CDH10: variants seen among roughly 807,000 people sequenced by gnomAD.
The protein encoded by CDH10 is cadherin 10.
In CDH10, 30 loss-of-function variants were observed where a neutral mutation model predicts 73.1. The ratio of observed to expected loss-of-function variants is 0.41; its 90% CI spans 0.31 to 0.56. The LOEUF is 0.56. CDH10 is among the 20% of genes least tolerant of loss of function. The pLI, the probability that CDH10 is intolerant of heterozygous loss-of-function variation, is 0.27. For synonymous variants in CDH10, 345 were observed against 348.2 expected, an observed-to-expected ratio of 0.99 and a Z score of 0.10; for missense variants, 815 against 973.7, an observed-to-expected ratio of 0.84 and a Z score of 2.17.
In CDH10 at chr5:24,502,837, T is replaced by C. The variant is rs897275393; in HGVS notation, c.1393+2275A>G. 3.9e-5 allele frequency among the ~76,000 whole-genome samples: 6 copies of C among 152,128 alleles called. No homozygotes were observed. The East Asian group carries it at 9.7e-4, about 25-fold the overall frequency. ...GGATCATGTTAGGTACATCTAACTA[T>C]GGGGATGTGGATACAGATAGAAATA... On this transcript the variant is annotated intron_variant, in intron 8 of 11. Transcript: ENST00000264463.
intron 1 of CDH10, among the ~76,000 whole-genome samples, chr5:24,632,224 T>C (rs1416601332): frequency 6.6e-6 from 1 of 152,110 alleles, no homozygotes; most frequent in African/African-American, 2.4e-5. Flanking sequence ...TATGATCCAT[T>C]TACTATTTAT....
intron 2 of CDH10, among the ~76,000 whole-genome samples, chr5:24,586,397 A>C (rs1201852388): frequency 1.3e-5 from 2 of 148,998 alleles, no homozygotes; most frequent in African/African-American, 5.0e-5. Flanking sequence ...CTCAATTTTA[A>C]TCCACCTACC....
chr5:24,525,945 C>A (rs1394233499), intron 5 of CDH10, among the ~76,000 whole-genome samples: 4 of 152,062 alleles, frequency 2.6e-5, no homozygotes, highest in Non-Finnish European at 5.9e-5. Context: ...AGATAATACA[C>A]AATGGCAATG....
intron 9 of CDH10, 136 bp from the exon 10 acceptor site, chr5:24,493,061 T>A: frequency 3.7e-6 from 2 of 536,940 alleles, no homozygotes; most frequent in South Asian, 2.6e-5. Flanking sequence ...CTTGAGTTAA[T>A]CCATCTTTTT....
intron 1 of CDH10, among the ~76,000 whole-genome samples, chr5:24,632,372 T>C (rs1747732286): frequency 6.6e-6 from 1 of 151,984 alleles, no homozygotes; most frequent in Non-Finnish European, 1.5e-5. Context: ...CCTTTGAAGT[T>C]GAAATAAATG....
chr5:24,617,476 C>T (rs1371563936), intron 1 of CDH10, among the ~76,000 whole-genome samples: 1 of 152,068 alleles, frequency 6.6e-6, no homozygotes, highest in Non-Finnish European at 1.5e-5. Context: ...GTAAAATTTG[C>T]TGATAAAATT....
intron 8 of CDH10, 87 bp from the exon 9 acceptor site, chr5:24,498,606 G>T: frequency 1.2e-6 from 1 of 809,094 alleles, no homozygotes; most frequent in Non-Finnish European, 2.1e-6. Flanking sequence ...GGTATGAAGT[G>T]CTCACATACA....
At chr5:24,580,754 A>G (rs1198621043) in intron 2 of CDH10, among the ~76,000 whole-genome samples, 1 of 152,180 alleles carries the variant, frequency 6.6e-6, no homozygotes, top group East Asian at 1.9e-4. Flanking sequence ...GTTAAATGTC[A>G]GAAGTCTAAA....
Position 24,621,130 on chromosome 5 carries a change from C to A in CDH10, c.-124+23464G>T, listed in dbSNP as rs965236987. Among the ~76,000 whole-genome samples the A allele has an allele frequency of 2.0e-5, 3 of 152,126 alleles. No individual in the cohort carries two copies. The East Asian group carries it at 5.8e-4, about 29-fold the overall frequency. The stretch of plus-strand genomic sequence containing the variant: ...CTCAAGGACATCAGAACTGCCAGGT[C>A]ATGAGAGCCCTTAGTGTGCCTCTAA... On this transcript the variant is annotated intron_variant, in intron 1 of 11. Transcript: ENST00000264463.
In CDH10 at chr5:24,535,806, T is replaced by G; in HGVS notation, c.543A>C (p.Gln181His). The change falls in exon 4 of 12, where the codon CAA (glutamine) becomes CAC (histidine). Residue 181 changes from glutamine to histidine, a missense_variant. Physicochemically the swap from Gln to His is conservative, Grantham distance 24. Transcript: ENST00000264463. ...GGTCATCGGCATCTGTAGCTGTGAC[T>G]TGCACCACAGAAGTACCTGAAGTAT... ...EMSVVGTSVV[Q>H]VTATDADDPS... 6.2e-7 allele frequency: 1 copy of G among 1,609,620 alleles called. No homozygotes were observed. Among genetic ancestry groups the G allele is most frequent in the Non-Finnish European group, 8.5e-7 (1 of 1,176,962 alleles).
chr5:24,617,821 T>C (rs1747174654), intron 1 of CDH10, among the ~76,000 whole-genome samples: 1 of 152,198 alleles, frequency 6.6e-6, no homozygotes. Flanking sequence ...CCCCGCCTGA[T>C]GCACTTGGAT....
intron 3 of CDH10, among the ~76,000 whole-genome samples, 198 bp downstream of exon 3, chr5:24,537,182 G>T (rs1437424098): frequency 1.3e-5 from 2 of 151,638 alleles, no homozygotes; most frequent in South Asian, 2.1e-4. Flanking sequence ...GTATTATAAA[G>T]ATTCACAAAT....
chr5:24,633,386 TA>T (rs530406226), intron 1 of CDH10, among the ~76,000 whole-genome samples: 12 of 151,704 alleles, frequency 7.9e-5, no homozygotes, highest in East Asian at 1.9e-4. Flanking sequence ...TTAGAATGTA[TA>T]AAAAAAATGT....
chr5:24,543,193 C>T (rs114378455), intron 2 of CDH10, among the ~76,000 whole-genome samples: 1,672 of 152,102 alleles, frequency 0.011, 37 homozygotes, highest in African/African-American at 0.038. Context: ...TCAGGAGGCA[C>T]TTATATTGCT....
intron 7 of CDH10, 117 bp from the exon 8 acceptor site, chr5:24,505,365 G>T (rs943644397): frequency 2.5e-6 from 2 of 786,348 alleles, no homozygotes; most frequent in Non-Finnish European, 4.3e-6. Flanking sequence ...ACACAGTGCT[G>T]ATCTGGAATG....
In CDH10 at chr5:24,540,623, T is replaced by C. The variant is rs1744117273; in HGVS notation, c.232-2949A>G. 2.6e-5 allele frequency among the ~76,000 whole-genome samples: 4 copies of C among 151,866 alleles called. No homozygotes were observed. In the South Asian group the frequency reaches 8.3e-4, roughly 31 times the overall value. On this transcript the variant is annotated intron_variant, in intron 2 of 11. Coordinates refer to ENST00000264463, the MANE Select transcript of CDH10 (RefSeq NM_006727.5). ...ATGAAAGGATTTCTACCTTCACCAA[T>C]GGGAATATAATTAAGAGAAGCAAAT...
intron 2 of CDH10, among the ~76,000 whole-genome samples, chr5:24,572,539 C>T (rs1745423630): frequency 6.6e-6 from 1 of 151,958 alleles, no homozygotes; most frequent in African/African-American, 2.4e-5. Flanking sequence ...ATGCCCCTCC[C>T]CCCAAAAAAA....
chr5:24,551,501 T>C (rs1035166660), intron 2 of CDH10, among the ~76,000 whole-genome samples: 2 of 152,146 alleles, frequency 1.3e-5, no homozygotes, highest in Admixed American at 1.3e-4. Context: ...CATTTTATGG[T>C]TACTCCTCTT....
At chr5:24,552,410 A>G (rs13180966) in intron 2 of CDH10, among the ~76,000 whole-genome samples, 43,301 of 151,770 alleles carry the variant, frequency 0.29, 6,368 homozygotes, top group Admixed American at 0.31. Flanking sequence ...ATAAGTTTTC[A>G]TTAAATGCCT....
Sources: gnomAD v4.1 joint callset for allele counts (sites outside exome capture counted in the v4.1 genomes callset) on GRCh38, gnomAD v4.1.1 for gene constraint, MANE v1.5 for transcripts, NCBI Gene and HGNC (gene_info 2026-07-23, HGNC 2026-07-21) for gene names.